The following RELN variants were observed in gnomAD, a reference collection of about 807,000 sequenced individuals.
The protein encoded by RELN is reelin.
Under a neutral mutation model 427.6 loss-of-function variants are expected in RELN, and 108 were observed. That is an observed-to-expected ratio of 0.25 (90% CI 0.22 to 0.30). The LOEUF is 0.30. Ranked by LOEUF, RELN falls within the 10% of genes least tolerant of loss-of-function variation. The probability of loss-of-function intolerance (pLI) is 1.00; values close to 1 mark genes in which losing one functional copy is unlikely to be tolerated. For synonymous variants in RELN, 1,524 were observed against 1,513.4 expected (o/e 1.01, Z -0.16); for missense variants, 3,715 against 4,302.8 (o/e 0.86, Z 3.82).
chr7:103,791,024 T>C (rs1584495284), intron 3 of RELN, among the ~76,000 whole-genome samples: 1 of 151,598 alleles, frequency 6.6e-6, no homozygotes. Context: ...ATTTATAAAC[T>C]CATTGAAAAG....
At chr7:103,863,241 A>G (rs923876475) in intron 2 of RELN, among the ~76,000 whole-genome samples, 2 of 152,180 alleles carry the variant, frequency 1.3e-5, no homozygotes, top group Non-Finnish European at 1.5e-5. Flanking sequence ...TAAAAGCAAG[A>G]GGAATAATTA....
chr7:103,961,509 C>T (rs892826112), intron 1 of RELN, among the ~76,000 whole-genome samples: 2 of 152,142 alleles, frequency 1.3e-5, no homozygotes, highest in East Asian at 3.9e-4. Context: ...GTAATTTACT[C>T]GTGCATAATG....
chr7:103,666,446 A>C (rs1207905651), intron 11 of RELN, among the ~76,000 whole-genome samples: 5 of 152,102 alleles, frequency 3.3e-5, no homozygotes, highest in African/African-American at 1.2e-4. Flanking sequence ...TAGATTTAAA[A>C]AATCTTTTAA....
At chr7:103,933,497 G>A (rs926444755) in intron 1 of RELN, among the ~76,000 whole-genome samples, 2 of 149,526 alleles carry the variant, frequency 1.3e-5, no homozygotes, top group Non-Finnish European at 3.0e-5. Context: ...GAGAAAGGAA[G>A]GGAGGGAGGG....
intron 2 of RELN, among the ~76,000 whole-genome samples, chr7:103,848,444 T>A (rs1212116202): frequency 6.6e-6 from 1 of 151,998 alleles, no homozygotes; most frequent in African/African-American, 2.4e-5. Context: ...CAGCAAAGAG[T>A]CATGTCCACC....
chr7:103,544,220 C>A (rs1197628260), intron 42 of RELN, among the ~76,000 whole-genome samples: 1 of 71,198 alleles, frequency 1.4e-5, no homozygotes, highest in Non-Finnish European at 2.6e-5. Flanking sequence ...GAAAGAAAAT[C>A]TTTTTTTTTT....
At chr7:103,664,085 G>T (rs545854029) in intron 11 of RELN, among the ~76,000 whole-genome samples, 103 of 152,274 alleles carry the variant, frequency 6.8e-4, no homozygotes, top group African/African-American at 2.3e-3. Context: ...ACAGCTCCAT[G>T]GTTAGGGGAA....
chr7:103,804,493 C>T lies in RELN; in HGVS notation c.474-27866G>A, dbSNP rs556762518. Reference sequence around the variant, plus strand: ...GTAAGCATTTCTTACTGTGTGGCAGCGACAATGCATATATTAGCTATGTAA... The same window carrying T: ...GTAAGCATTTCTTACTGTGTGGCAGTGACAATGCATATATTAGCTATGTAA... On this transcript the variant is annotated intron_variant, in intron 3 of 64. Coordinates refer to ENST00000428762, the MANE Select transcript of RELN (RefSeq NM_005045.4). Among the ~76,000 whole-genome samples the T allele has an allele frequency of 9.9e-5, 15 of 152,168 alleles. No individual in the cohort carries two copies. In the South Asian group the frequency reaches 1.7e-3, roughly 17 times the overall value.
intron 1 of RELN, among the ~76,000 whole-genome samples, chr7:103,980,584 A>G (rs2116841291): frequency 6.6e-6 from 1 of 152,360 alleles, no homozygotes; most frequent in South Asian, 2.1e-4. Flanking sequence ...AGAACTACAC[A>G]GCAGCTTTGC....
At chr7:103,710,095 A>G (rs569007428) in intron 8 of RELN, among the ~76,000 whole-genome samples, 8 of 152,342 alleles carry the variant, frequency 5.3e-5, no homozygotes, top group African/African-American at 1.9e-4. Context: ...TCATAGACAG[A>G]AGAGGATTTA....
intron 16 of RELN, among the ~76,000 whole-genome samples, chr7:103,642,544 T>C (rs1456708703): frequency 1.3e-5 from 2 of 152,062 alleles, no homozygotes; most frequent in Admixed American, 6.6e-5. Context: ...GTGCATTCCA[T>C]ATATCTTTAC....
chr7:103,949,450 G>A (rs1339064279), intron 1 of RELN, among the ~76,000 whole-genome samples: 2 of 151,772 alleles, frequency 1.3e-5, no homozygotes, highest in East Asian at 1.9e-4. Context: ...GAGGTAATTA[G>A]GTCATAAACG....
At position 103,652,251 on chromosome 7, in the gene RELN, C is replaced by CTTTTTTT. The variant is rs554972597; in HGVS notation, c.1763+293_1763+299dup. On this transcript the variant is annotated intron_variant, in intron 14 of 64. Coordinates refer to ENST00000428762, the MANE Select transcript of RELN (RefSeq NM_005045.4). ...AGGAGGTCAAGCTTTTTTTCAGTTG[C>CTTTTTTT]TTTTTTTTTTTTTTCTCTCTTAGCA... 2.8e-3 allele frequency among the ~76,000 whole-genome samples: 387 copies of CTTTTTTT among 139,930 alleles called. 1 individual carries two copies. Among genetic ancestry groups the CTTTTTTT allele is most frequent in the Middle Eastern group, 3.6e-3 (1 of 278 alleles). 91.8% of individuals were successfully genotyped at this position (139,930 alleles called of 152,430 possible). A position where few individuals can be genotyped will look rare whatever the true frequency, so the allele number is the denominator to read the frequency against.
At chr7:103,800,912 T>C (rs1194840099) in intron 3 of RELN, among the ~76,000 whole-genome samples, 1 of 152,122 alleles carries the variant, frequency 6.6e-6, no homozygotes, top group Non-Finnish European at 1.5e-5. Flanking sequence ...GATGAAAAAG[T>C]GGGCAAAGGG....
intron 42 of RELN, among the ~76,000 whole-genome samples, chr7:103,544,166 T>G (rs1159081191): frequency 6.6e-6 from 1 of 151,516 alleles, no homozygotes; most frequent in African/African-American, 2.4e-5. Flanking sequence ...TAAAATGTAT[T>G]GTAAAACCAT....
chr7:103,983,553 T>C (rs573623605), intron 1 of RELN, among the ~76,000 whole-genome samples: 1 of 152,366 alleles, frequency 6.6e-6, no homozygotes, highest in East Asian at 1.9e-4. Context: ...GAAATAGGGC[T>C]TTTAAAACGC....
At chr7:103,909,822 A>ATG (rs1172408809) in intron 2 of RELN, among the ~76,000 whole-genome samples, 1 of 56,344 alleles carries the variant, frequency 1.8e-5, no homozygotes, top group African/African-American at 5.5e-5. Context: ...TATTATATAT[A>ATG]AAATATATAT....
chr7:103,744,999 C>A (rs139235681), intron 6 of RELN, among the ~76,000 whole-genome samples: 3 of 152,110 alleles, frequency 2.0e-5, no homozygotes, highest in Non-Finnish European at 2.9e-5. Flanking sequence ...TGATGAACAT[C>A]GATGCAAAAA....
chr7:103,762,224 C>T (rs1791319422), intron 4 of RELN, among the ~76,000 whole-genome samples: 1 of 152,092 alleles, frequency 6.6e-6, no homozygotes, highest in Admixed American at 6.6e-5. Context: ...GTGGTGAGTG[C>T]TGGAGCAGCC....
Sources: gnomAD v4.1 joint callset for allele counts (sites outside exome capture counted in the v4.1 genomes callset) on GRCh38, gnomAD v4.1.1 for gene constraint, MANE v1.5 for transcripts, NCBI Gene and HGNC (gene_info 2026-07-23, HGNC 2026-07-21) for gene names.